The following HYAL4 variants were observed in gnomAD, a reference collection of about 807,000 sequenced individuals.
The protein encoded by HYAL4 is hyaluronidase-4.
Under a neutral mutation model 35.2 loss-of-function variants are expected in HYAL4, and 37 were observed. The ratio of observed to expected loss-of-function variants is 1.05; its 90% CI spans 0.81 to 1.38. HYAL4 has a LOEUF of 1.38. HYAL4 is among the 40% of genes most tolerant of loss of function. The probability of loss-of-function intolerance (pLI) is 0.00; values close to 1 mark genes in which losing one functional copy is unlikely to be tolerated. For missense variants in HYAL4, 572 were observed against 572.4 expected (o/e 1.00, Z 0.01); for synonymous variants, 198 against 203.2 (o/e 0.97, Z 0.22).
intron 2 of HYAL4, among the ~76,000 whole-genome samples, chr7:123,857,181 A>G (rs1160185216): frequency 6.6e-6 from 1 of 151,952 alleles, no homozygotes; most frequent in Non-Finnish European, 1.5e-5. Context: ...CCCCCTTTCC[A>G]GGGGAGTGAA....
upstream of HYAL4, among the ~76,000 whole-genome samples, chr7:123,828,457 CA>C (rs1805832318): frequency 7.3e-5 from 11 of 150,788 alleles, no homozygotes; most frequent in South Asian, 2.1e-4. Flanking sequence ...CACACACACA[CA>C]CACACCTCTA....
chr7:123,772,977 C>T, the HYAL4 span, among the ~76,000 whole-genome samples: 1 of 152,142 alleles, frequency 6.6e-6, no homozygotes, highest in African/African-American at 2.4e-5. Flanking sequence ...CATGGCACAC[C>T]GCATTGTCTC....
chr7:123,859,381 A>C (rs1384399425), intron 2 of HYAL4, among the ~76,000 whole-genome samples: 2 of 152,190 alleles, frequency 1.3e-5, no homozygotes, highest in African/African-American at 2.4e-5. Flanking sequence ...TTTTGTGGAG[A>C]ATAATAATAC....
the HYAL4 span, among the ~76,000 whole-genome samples, chr7:123,797,240 A>G: frequency 1.3e-5 from 2 of 152,236 alleles, no homozygotes; most frequent in Non-Finnish European, 2.9e-5. Context: ...TCTATTTGCT[A>G]TGACTATTCA....
chr7:123,772,703 A>G, the HYAL4 span, among the ~76,000 whole-genome samples: 1 of 152,230 alleles, frequency 6.6e-6, no homozygotes, highest in Non-Finnish European at 1.5e-5. Flanking sequence ...GGAACAGTAA[A>G]TGAAACCTGT....
intron 2 of HYAL4, among the ~76,000 whole-genome samples, chr7:123,865,041 AGTGTCTTC>A (rs1169570909): frequency 6.7e-6 from 1 of 149,904 alleles, no homozygotes; most frequent in East Asian, 1.9e-4. Flanking sequence ...TTTCAACTAC[AGTGTCTTC>A]CCTGAGACAC....
the HYAL4 span, among the ~76,000 whole-genome samples, chr7:123,811,793 GT>G: frequency 6.6e-6 from 1 of 151,918 alleles, no homozygotes; most frequent in African/African-American, 2.4e-5. Flanking sequence ...TTTTCTAGGA[GT>G]TTTATAGTTT....
At chr7:123,868,133 C>T (rs1195391201) in intron 2 of HYAL4, 90 bp from the exon 3 acceptor site, 2 of 436,812 alleles carry the variant, frequency 4.6e-6, no homozygotes, top group African/African-American at 4.1e-5. Flanking sequence ...ATACACTTTA[C>T]AAATAGTCAT....
At chr7:123,765,041 C>T in the HYAL4 span, among the ~76,000 whole-genome samples, 3 of 152,090 alleles carry the variant, frequency 2.0e-5, no homozygotes, top group Non-Finnish European at 4.4e-5. Context: ...CAAAAAAATG[C>T]AACATTAAGT....
the HYAL4 span, among the ~76,000 whole-genome samples, chr7:123,815,491 A>T: frequency 6.6e-6 from 1 of 152,322 alleles, no homozygotes; most frequent in Non-Finnish European, 1.5e-5. Flanking sequence ...AACTAAAAAA[A>T]TTACATAGGT....
chr7:123,776,108 C>G, the HYAL4 span, among the ~76,000 whole-genome samples: 21 of 152,178 alleles, frequency 1.4e-4, no homozygotes, highest in Non-Finnish European at 2.8e-4. Flanking sequence ...AGTAAGATAT[C>G]TTTCTGTATG....
chr7:123,800,156 C>G, the HYAL4 span, among the ~76,000 whole-genome samples: 1 of 147,258 alleles, frequency 6.8e-6, no homozygotes, highest in East Asian at 2.2e-4. Context: ...AAGAAAGACT[C>G]TGTGTCAATT....
At chr7:123,788,757 A>G in the HYAL4 span, among the ~76,000 whole-genome samples, 1 of 152,262 alleles carries the variant, frequency 6.6e-6, no homozygotes, top group East Asian at 1.9e-4. Context: ...AGAACATTTC[A>G]TGTGAGAACA....
chr7:123,764,986 A>G, the HYAL4 span, among the ~76,000 whole-genome samples: 1 of 152,252 alleles, frequency 6.6e-6, no homozygotes, highest in Non-Finnish European at 1.5e-5. Flanking sequence ...TTGCCCAGCA[A>G]TAACATATTA....
upstream of HYAL4, among the ~76,000 whole-genome samples, chr7:123,825,973 A>C (rs1296339338): frequency 1.3e-5 from 2 of 151,970 alleles, no homozygotes; most frequent in African/African-American, 4.8e-5. Context: ...TTGCAATAAA[A>C]AGTGTTACTT....
At chr7:123,866,601 T>A (rs1457753103) in intron 2 of HYAL4, among the ~76,000 whole-genome samples, 1 of 152,120 alleles carries the variant, frequency 6.6e-6, no homozygotes, top group Non-Finnish European at 1.5e-5. Flanking sequence ...ATAACCACAA[T>A]GCATTTTCAT....
chr7:123,827,268 G>A (rs1805812953), upstream of HYAL4, among the ~76,000 whole-genome samples: 1 of 152,090 alleles, frequency 6.6e-6, no homozygotes, highest in African/African-American at 2.4e-5. Context: ...TGAGGTTGGG[G>A]ATAAAACAGG....
chr7:123,851,723 T>C (rs1806309524), intron 2 of HYAL4, among the ~76,000 whole-genome samples: 2 of 152,196 alleles, frequency 1.3e-5, no homozygotes, highest in African/African-American at 4.8e-5. Context: ...GTCTTTATAG[T>C]AGAATGATTT....
intron 3 of HYAL4, among the ~76,000 whole-genome samples, chr7:123,869,551 G>A (rs577854269): frequency 2.6e-5 from 4 of 152,264 alleles, no homozygotes; most frequent in Non-Finnish European, 4.4e-5. Context: ...TGAAATGATC[G>A]GCAGTGAGCA....
Sources: gnomAD v4.1 joint callset for allele counts (sites outside exome capture counted in the v4.1 genomes callset) on GRCh38, gnomAD v4.1.1 for gene constraint, MANE v1.5 for transcripts, NCBI Gene and HGNC (gene_info 2026-07-23, HGNC 2026-07-21) for gene names.